DCDC2C: variants seen among roughly 807,000 people sequenced by gnomAD.
The protein encoded by DCDC2C is doublecortin domain-containing protein 2C.
DCDC2C carries 44 observed loss-of-function variants against 45.0 expected under a neutral mutation model. The observed-to-expected ratio is 0.98, with a 90% CI of 0.77 to 1.26. The LOEUF (loss-of-function observed/expected upper bound fraction) is 1.26, where lower values mean the gene tolerates loss of function less well. Ranked by LOEUF, DCDC2C falls within the 50% of genes most tolerant of loss-of-function variation. DCDC2C has a pLI of 0.00. For synonymous variants in DCDC2C, 187 were observed against 178.8 expected, an observed-to-expected ratio of 1.05 and a Z score of -0.37; for missense variants, 447 against 468.9, an observed-to-expected ratio of 0.95 and a Z score of 0.43.
rs147429018 is a variant in DCDC2C, at chr2:3,846,501, A to AT, written c.1066-652dup. The stretch of plus-strand genomic sequence containing the variant: ...TATAAAATTTGATTTCAGGTCTATT[A>AT]TAGTACTCTATCTTCCTTAGTATAG... On this transcript the variant is annotated intron_variant, in intron 10 of 10. Transcript: ENST00000399143. Among the ~76,000 whole-genome samples, 1,142 of 152,246 alleles carry AT rather than the reference A, an allele frequency of 7.5e-3. 14 individuals carry two copies. Among genetic ancestry groups the AT allele is most frequent in the African/African-American group, 0.026 (1,079 of 41,546 alleles).
At chr2:3,710,586 C>T (rs1222899441) in intron 2 of DCDC2C, among the ~76,000 whole-genome samples, 1 of 152,170 alleles carries the variant, frequency 6.6e-6, no homozygotes, top group African/African-American at 2.4e-5. Context: ...AGGCAGTGAG[C>T]ATAGTATCCA....
rs149860597 is a variant in DCDC2C, at chr2:3,732,119, C to T, written c.416+5040C>T. On this transcript the variant is annotated intron_variant, in intron 3 of 10. Coordinates refer to ENST00000399143, the MANE Select transcript of DCDC2C (RefSeq NM_001287444.2). Reference sequence around the variant, plus strand: ...TCGAGATGGAGGGAAACAGGGAGGGCCCAGTGGAAGGCTGGATGTGGTTCG... The same window carrying T: ...TCGAGATGGAGGGAAACAGGGAGGGTCCAGTGGAAGGCTGGATGTGGTTCG... Among the ~76,000 whole-genome samples the T allele has an allele frequency of 3.4e-4, 52 of 152,124 alleles. No individual in the cohort carries two copies. The East Asian group carries it at 9.7e-3, about 28-fold the overall frequency.
chr2:3,757,531 T>A (rs976967153), intron 6 of DCDC2C, among the ~76,000 whole-genome samples: 1 of 152,168 alleles, frequency 6.6e-6, no homozygotes, highest in Non-Finnish European at 1.5e-5. Context: ...ATCACAAACA[T>A]GACCTAGAAC....
At chr2:3,827,538 A>C (rs945337297) in intron 10 of DCDC2C, among the ~76,000 whole-genome samples, 3 of 152,196 alleles carry the variant, frequency 2.0e-5, no homozygotes, top group African/African-American at 7.2e-5. Flanking sequence ...TTTCAGCTTC[A>C]AAATTTCATT....
rs357978 is a variant in DCDC2C at position 3,746,293 on chromosome 2, T to A, written c.545+4245T>A. Among the ~76,000 whole-genome samples the A allele has an allele frequency of 6.6e-5, 10 of 152,306 alleles. No individual in the cohort carries two copies. The East Asian group carries it at 1.4e-3, about 21-fold the overall frequency. On this transcript the variant is annotated intron_variant, in intron 4 of 10. Coordinates refer to ENST00000399143, the MANE Select transcript of DCDC2C (RefSeq NM_001287444.2). Reference sequence around the variant, plus strand: ...TAAGAACTGAAGGACGCGGAGGAGCTGGGGCAGGAGGGCACCTTCTCACAT... The same window carrying A: ...TAAGAACTGAAGGACGCGGAGGAGCAGGGGCAGGAGGGCACCTTCTCACAT...
intron 3 of DCDC2C, among the ~76,000 whole-genome samples, chr2:3,737,922 G>A (rs1669077063): frequency 6.6e-6 from 1 of 152,102 alleles, no homozygotes; most frequent in African/African-American, 2.4e-5. Flanking sequence ...ACAGGAAGAG[G>A]TGCATTGACA....
intron 4 of DCDC2C, among the ~76,000 whole-genome samples, chr2:3,744,494 G>T (rs1179714982): frequency 6.6e-6 from 1 of 152,184 alleles, no homozygotes; most frequent in Non-Finnish European, 1.5e-5. Flanking sequence ...CTGAGAAGGC[G>T]CAGGGGAGAT....
intron 10 of DCDC2C, among the ~76,000 whole-genome samples, chr2:3,829,408 A>G (rs1353047184): frequency 2.0e-5 from 3 of 151,404 alleles, no homozygotes; most frequent in Non-Finnish European, 4.4e-5. Flanking sequence ...ATTGATTGTC[A>G]TTCAAAAAGC....
intron 2 of DCDC2C, among the ~76,000 whole-genome samples, chr2:3,712,295 T>C (rs1668233451): frequency 6.6e-6 from 1 of 152,126 alleles, no homozygotes; most frequent in Admixed American, 6.5e-5. Flanking sequence ...TACTACTTAC[T>C]AAACCACAGT....
At chr2:3,745,567 T>C (rs1272268953) in intron 4 of DCDC2C, among the ~76,000 whole-genome samples, 1 of 152,182 alleles carries the variant, frequency 6.6e-6, no homozygotes, top group Non-Finnish European at 1.5e-5. Flanking sequence ...AAAAAATCAA[T>C]GTGTGTGTTA....
At position 3,727,062 on chromosome 2, in the gene DCDC2C, T is replaced by C; in HGVS notation, c.399T>C (p.Arg133=). The change falls in exon 3 of 11, where the codon CGT becomes CGC. Residue 133 remains arginine, a synonymous_variant. Transcript: ENST00000399143. ...CTTCCAAGTGGCAAACATATCATCG[T>C]ATATCTCGACATATAAAGTGAGTAT... ...NVPSKWQTYH[R]ISRHINVFTN... is the part of the protein sequence containing the mutation. 2 of 1,550,136 alleles carry C rather than the reference T, an allele frequency of 1.3e-6. No homozygotes were observed. Among genetic ancestry groups the C allele is most frequent in the Non-Finnish European group, 1.7e-6 (2 of 1,146,636 alleles).
At chr2:3,829,573 C>G (rs1263645644) in intron 10 of DCDC2C, among the ~76,000 whole-genome samples, 2 of 152,218 alleles carry the variant, frequency 1.3e-5, no homozygotes, top group Middle Eastern at 3.4e-3. Flanking sequence ...CTTTTCCTGT[C>G]TATTTGGACA....
chr2:3,786,365 C>G (rs1323341636), intron 10 of DCDC2C, among the ~76,000 whole-genome samples: 1 of 145,616 alleles, frequency 6.9e-6, no homozygotes, highest in Admixed American at 6.8e-5. Flanking sequence ...CCCGCCTGTG[C>G]ACGGAGCCTC....
chr2:3,798,711 T>C (rs1320854247), intron 10 of DCDC2C, among the ~76,000 whole-genome samples: 1 of 152,098 alleles, frequency 6.6e-6, no homozygotes, highest in Non-Finnish European at 1.5e-5. Context: ...CACTCTCTTC[T>C]GGCTTGTAGA....
intron 2 of DCDC2C, among the ~76,000 whole-genome samples, chr2:3,714,588 G>A (rs1380065922): frequency 2.0e-5 from 3 of 152,162 alleles, no homozygotes; most frequent in Non-Finnish European, 2.9e-5. Context: ...CCACATTTTT[G>A]TCATGGAAGA....
chr2:3,753,285 A>G (rs112163331), intron 5 of DCDC2C, among the ~76,000 whole-genome samples: 42 of 152,214 alleles, frequency 2.8e-4, no homozygotes, highest in Non-Finnish European at 4.9e-4. Flanking sequence ...AAAATACAGA[A>G]TTTGTGCTGG....
chr2:3,764,107 G>C (rs140982409), intron 6 of DCDC2C, among the ~76,000 whole-genome samples: 5 of 152,120 alleles, frequency 3.3e-5, no homozygotes, highest in African/African-American at 1.2e-4. Flanking sequence ...ATTTCTCATC[G>C]CTTACCTCTA....
At chr2:3,727,168 C>G in intron 3 of DCDC2C, 89 bp downstream of exon 3, 1 of 1,034,532 alleles carries the variant, frequency 9.7e-7, no homozygotes, top group Non-Finnish European at 1.4e-6. Flanking sequence ...CCCCTCAGCC[C>G]CCTTTCTGTC....
At chr2:3,735,477 T>C (rs879921230) in intron 3 of DCDC2C, among the ~76,000 whole-genome samples, 2 of 151,812 alleles carry the variant, frequency 1.3e-5, no homozygotes, top group Non-Finnish European at 2.9e-5. Context: ...TGTGTTCTCA[T>C]TGTTCAATTC....
Sources: allele counts gnomAD v4.1 joint callset (sites outside exome capture counted in the v4.1 genomes callset), GRCh38; gene constraint gnomAD v4.1.1; transcripts MANE v1.5; gene names NCBI Gene and HGNC (gene_info 2026-07-23, HGNC 2026-07-21).